BBX: variants seen among roughly 807,000 people sequenced by gnomAD.
BBX encodes the protein BBX high mobility group box domain containing.
BBX carries 30 observed loss-of-function variants against 100.2 expected under a neutral mutation model. That is an observed-to-expected ratio of 0.30 (90% CI 0.22 to 0.41). The LOEUF is 0.41. Ranked by LOEUF, BBX falls within the 10% of genes least tolerant of loss-of-function variation. BBX has a pLI of 1.00. For missense variants in BBX, 1,023 were observed against 1,129.8 expected (o/e 0.91, Z 1.35); for synonymous variants, 376 against 388.1 (o/e 0.97, Z 0.37).
chr3:107,635,263 C>T (rs1379579933), intron 2 of BBX, among the ~76,000 whole-genome samples: 3 of 152,142 alleles, frequency 2.0e-5, no homozygotes, highest in East Asian at 1.9e-4. Context: ...TGTATGGTAA[C>T]TCTCACTGAA....
chr3:107,759,240 GGGT>G (rs1349767088), intron 10 of BBX, among the ~76,000 whole-genome samples: 37 of 152,286 alleles, frequency 2.4e-4, no homozygotes, highest in African/African-American at 7.9e-4. Flanking sequence ...ATTTTAAACT[GGGT>G]AGACTTTTAA....
intron 2 of BBX, among the ~76,000 whole-genome samples, chr3:107,588,602 T>G (rs1331240161): frequency 6.6e-6 from 1 of 152,186 alleles, no homozygotes; most frequent in East Asian, 1.9e-4. Context: ...TGACTTTGTT[T>G]AAGCTGCTTA....
chr3:107,803,669 G>A (rs544486140), intron 17 of BBX, among the ~76,000 whole-genome samples: 10 of 152,256 alleles, frequency 6.6e-5, no homozygotes, highest in South Asian at 2.1e-4. Flanking sequence ...TTTAATGACC[G>A]TTAATTAACT....
Position 107,773,723 on chromosome 3 carries a change from A to G in BBX, c.1915+87A>G. On this transcript the variant is annotated intron_variant, in intron 11 of 17. Coordinates refer to ENST00000325805, the MANE Select transcript of BBX (RefSeq NM_001142568.3). This position sits in a 1 kb window ranked among gnomAD's most constrained non-coding sequence, Gnocchi z 4.1. ...CTATTGAAAACAACTGCCATAAAAA[A>G]CAATATGGTATCAAAATAATACCTT... 8.7e-7 allele frequency: 1 copy of G among 1,152,466 alleles called. No homozygotes were observed. Among genetic ancestry groups the G allele is most frequent in the Non-Finnish European group, 1.2e-6 (1 of 823,714 alleles). The allele number at this position is 1,152,466 out of a possible 1,614,324, so 71.4% of individuals were successfully genotyped here.
chr3:107,640,310 C>G (rs1559906274), intron 2 of BBX, among the ~76,000 whole-genome samples: 1 of 152,194 alleles, frequency 6.6e-6, no homozygotes, highest in Non-Finnish European at 1.5e-5. Context: ...GTCCTACTTT[C>G]TCACGTGAAC....
rs1280674797 is a variant in BBX, at chr3:107,810,846, AC to A, written c.*5391del. 1 of 152,114 alleles carries A rather than the reference AC, an allele frequency of 6.6e-6. No homozygotes were observed. Among genetic ancestry groups the A allele is most frequent in the African/African-American group, 2.4e-5 (1 of 41,440 alleles). The allele number at this position is 152,114 out of a possible 1,614,324, so 9.4% of individuals were successfully genotyped here. ...TTGCTTACTCACATGTCATAAATTA[AC>A]CACAGCTTCATTTGACCACCAGGTC... On this transcript the variant is annotated 3_prime_UTR_variant, in exon 18 of 18. Coordinates refer to ENST00000325805, the MANE Select transcript of BBX (RefSeq NM_001142568.3).
chr3:107,684,345 A>G (rs1424787011), intron 3 of BBX, among the ~76,000 whole-genome samples: 1 of 152,182 alleles, frequency 6.6e-6, no homozygotes, highest in East Asian at 1.9e-4. Flanking sequence ...AAAAAACTTA[A>G]ACTATGTTTC....
chr3:107,743,181 G>C (rs1400286742), intron 7 of BBX, among the ~76,000 whole-genome samples: 1 of 152,064 alleles, frequency 6.6e-6, no homozygotes, highest in African/African-American at 2.4e-5. Context: ...TCCTAAGCTT[G>C]AATGTAAGTA....
At chr3:107,681,680 A>G (rs541430832) in intron 3 of BBX, among the ~76,000 whole-genome samples, 1 of 152,286 alleles carries the variant, frequency 6.6e-6, no homozygotes, top group African/African-American at 2.4e-5. Flanking sequence ...AGTAATTGGA[A>G]GTGTCCGCCC....
chr3:107,773,138 T>A lies in BBX; in HGVS notation c.1417T>A (p.Cys473Ser). ...TGATAAATCCACACCCAAGAAGACT[T>A]GCAAAAAGAGGCAGTCTTCGGAATC... ...GNDKSTPKKT[C>S]KKRQSSESDI... The change falls in exon 11 of 18, where the codon TGC becomes AGC. Residue 473 changes from cysteine to serine, a missense_variant. Coordinates refer to ENST00000325805, the MANE Select transcript of BBX (RefSeq NM_001142568.3). This position sits in a 1 kb window ranked among gnomAD's most constrained non-coding sequence, Gnocchi z 4.1. The A allele has an allele frequency of 6.2e-7, 1 of 1,614,018 alleles. No homozygotes were observed. Among genetic ancestry groups the A allele is most frequent in the Non-Finnish European group, 8.5e-7 (1 of 1,179,994 alleles).
intron 7 of BBX, among the ~76,000 whole-genome samples, chr3:107,736,869 TAGTC>T (rs546008513): frequency 2.0e-5 from 3 of 152,092 alleles, no homozygotes; most frequent in African/African-American, 4.8e-5. Context: ...GAATATAAGT[TAGTC>T]AGATTAATTA....
intron 2 of BBX, among the ~76,000 whole-genome samples, chr3:107,575,991 G>A (rs1321699293): frequency 6.6e-6 from 1 of 152,218 alleles, no homozygotes; most frequent in Non-Finnish European, 1.5e-5. Context: ...AGCAGTGACT[G>A]TGCCATTGCC....
At chr3:107,565,999 C>A (rs2050871699) in intron 2 of BBX, among the ~76,000 whole-genome samples, 1 of 151,156 alleles carries the variant, frequency 6.6e-6, no homozygotes, top group Non-Finnish European at 1.5e-5. Context: ...CATGGTGAAA[C>A]CCCATCTCTA....
chr3:107,702,341 T>A (rs893275267), intron 3 of BBX, among the ~76,000 whole-genome samples: 3 of 152,244 alleles, frequency 2.0e-5, no homozygotes, highest in African/African-American at 7.2e-5. Context: ...TTGATTTTAT[T>A]GTATTTATTA....
chr3:107,579,071 A>C (rs561917174), intron 2 of BBX, among the ~76,000 whole-genome samples: 1 of 152,178 alleles, frequency 6.6e-6, no homozygotes, highest in Non-Finnish European at 1.5e-5. Flanking sequence ...GGGATTACCC[A>C]TACTCAGAAG....
At chr3:107,698,157 C>G (rs947075462) in intron 3 of BBX, among the ~76,000 whole-genome samples, 7 of 151,854 alleles carry the variant, frequency 4.6e-5, no homozygotes, top group Middle Eastern at 3.2e-3. Context: ...CACCCGTCTT[C>G]TGGGTCGCTC....
intron 1 of BBX, 140 bp downstream of exon 1, chr3:107,523,247 C>G: frequency 4.5e-6 from 1 of 224,360 alleles, no homozygotes; most frequent in Non-Finnish European, 9.0e-6. Context: ...GCGGCGGCGG[C>G]AGCCGGTAGG....
intron 6 of BBX, among the ~76,000 whole-genome samples, chr3:107,731,465 C>A (rs996714421): frequency 6.6e-6 from 1 of 152,056 alleles, no homozygotes; most frequent in Admixed American, 6.6e-5. Flanking sequence ...TTTCAACAGC[C>A]ATAGTATTTC....
intron 2 of BBX, among the ~76,000 whole-genome samples, chr3:107,582,466 C>A (rs1428747691): frequency 6.6e-6 from 1 of 151,918 alleles, no homozygotes; most frequent in Non-Finnish European, 1.5e-5. Flanking sequence ...CTTTGAAAAC[C>A]AATAGCCACC....
Sources: allele counts gnomAD v4.1 joint callset (sites outside exome capture counted in the v4.1 genomes callset), GRCh38; gene constraint gnomAD v4.1.1; non-coding constraint Gnocchi (gnomAD v3.1); transcripts MANE v1.5; gene names NCBI Gene and HGNC (gene_info 2026-07-23, HGNC 2026-07-21).